DVL2: variants seen among roughly 807,000 people sequenced by gnomAD.
DVL2 encodes dishevelled segment polarity protein 2.
DVL2 carries 38 observed loss-of-function variants against 69.8 expected under a neutral mutation model. The observed-to-expected ratio is 0.54, with a 90% confidence interval of 0.42 to 0.71. The LOEUF (loss-of-function observed/expected upper bound fraction) is 0.71, where lower values mean the gene tolerates loss of function less well. Ranked by LOEUF, DVL2 falls within the 30% of genes least tolerant of loss-of-function variation. DVL2 has a pLI of 0.00. For missense variants in DVL2, 931 were observed against 1,008.1 expected, an observed-to-expected ratio of 0.92 and a Z score of 1.04; for synonymous variants, 428 against 392.4, an observed-to-expected ratio of 1.09 and a Z score of -1.07.
chr17:7,233,294 T>C (rs1597554530), intron 1 of DVL2, among the ~76,000 whole-genome samples: 1 of 151,878 alleles, frequency 6.6e-6, no homozygotes, highest in Non-Finnish European at 1.5e-5. Context: ...CCAGTCTAGA[T>C]TGGAACATCC....
rs141128284 is a variant in DVL2, at chr17:7,226,178, C to T, written c.1898G>A (p.Arg633Gln). Residue 633 changes from arginine (R) to glutamine (Q), a missense_variant, in exon 15 of 15, where the codon CGG (arginine) becomes CAG (glutamine). By Grantham distance (43) the Arg-to-Gln change is conservative (BLOSUM62 1). Coordinates refer to ENST00000005340, the MANE Select transcript of DVL2 (RefSeq NM_004422.3). ...EPSSRGGSLR[R>Q]GGEASGTSDG... ...GCTAGTCCCACTTGCTTCCCCACCC[C>T]GCCGAAGGCTGCCCCCTCGGCTGGA... is the stretch of plus-strand genomic sequence containing the variant. The T allele has an allele frequency of 5.3e-5, 85 of 1,611,870 alleles. No homozygotes were observed. In the African/African-American group the frequency reaches 8.3e-4, roughly 16 times the overall value.
chr17:7,230,886 T>C (rs2071533165), intron 1 of DVL2, 89 bp from the exon 2 acceptor site: 1 of 1,004,738 alleles, frequency 1.0e-6, no homozygotes, highest in South Asian at 1.5e-5. Context: ...TTCACCTGGC[T>C]CCAGGATGTT....
At chr17:7,226,817 G>A in intron 13 of DVL2, 178 bp from the exon 14 acceptor site, 1 of 644,882 alleles carries the variant, frequency 1.6e-6, no homozygotes. Flanking sequence ...TGAGGGCAGG[G>A]GCACAGCCAC....
Position 7,230,059 on chromosome 17 carries a change from G to A in DVL2, c.507C>T (p.Ser169=). The A allele has an allele frequency of 6.2e-7, 1 of 1,613,970 alleles. No individual in the cohort carries two copies. The highest frequency in any genetic ancestry group is 8.5e-7 in the Non-Finnish European group (1 of 1,180,020). Residue 169 remains serine (S), a synonymous_variant, in exon 4 of 15, where the codon AGC becomes AGT. Coordinates refer to ENST00000005340, the MANE Select transcript of DVL2 (RefSeq NM_004422.3). ...CCTGCCCCTCACCGCCATGCTCACTGCTGTCTCTCCTGCGAGGCCGCTCCC... is the reference window on the plus strand; with the variant it reads ...CCTGCCCCTCACCGCCATGCTCACTACTGTCTCTCCTGCGAGGCCGCTCCC... ...LRRERPRRRD[S]SEHGAGGHRT... is the part of the protein sequence containing the mutation.
At position 7,226,202 on chromosome 17, in the gene DVL2, GA is replaced by G; in HGVS notation, c.1873del (p.Ser625ProfsTer56). 6.2e-7 allele frequency: 1 copy of G among 1,612,420 alleles called. No individual in the cohort carries two copies. Among genetic ancestry groups the G allele is most frequent in the South Asian group, 1.1e-5 (1 of 91,080 alleles). ...KSGSGSESEP[S>X]SRGGSLRRGG... ...CCGCCGAAGGCTGCCCCCTCGGCTG[GA>G]GGGCTCAGACTCACTGCCACTGCCG... On this transcript the variant is annotated frameshift_variant, in exon 15 of 15. Coordinates refer to ENST00000005340, the MANE Select transcript of DVL2 (RefSeq NM_004422.3). LOFTEE classifies it high-confidence loss of function.
chr17:7,227,559 C>A (rs749320786), intron 11 of DVL2, 24 bp from the exon 12 acceptor site: 2 of 1,613,048 alleles, frequency 1.2e-6, no homozygotes, highest in African/African-American at 1.3e-5. Flanking sequence ...CAACGGGTAA[C>A]CAGAGTCAGG....
At chr17:7,230,204 C>A (rs201754079) in intron 3 of DVL2, 49 bp from the exon 4 acceptor site, 1 of 1,610,542 alleles carries the variant, frequency 6.2e-7, no homozygotes, top group South Asian at 1.1e-5. Context: ...AACAGGGCTC[C>A]GGATCCTAGG....
Position 7,226,003 on chromosome 17 carries a change from T to A in DVL2, c.2073A>T (p.Pro691=), listed in dbSNP as rs751934976. The A allele has an allele frequency of 1.9e-6, 3 of 1,613,146 alleles. No individual in the cohort carries two copies. The highest frequency in any genetic ancestry group is 2.5e-6 in the Non-Finnish European group (3 of 1,179,696). ...CCGGAGGCTGCACTGCTGGAGGGAC[T>A]GGAGGTGGAGGTGGGGGCATCATGA... ...MVVMMPPPPP[P]VPPAVQPPGA... The change falls in exon 15 of 15, where the codon CCA becomes CCT. Residue 691 remains proline (P), a synonymous_variant. Transcript: ENST00000005340.
chr17:7,226,920 TG>T, intron 13 of DVL2, 169 bp downstream of exon 13: 2 of 701,910 alleles, frequency 2.8e-6, no homozygotes, highest in African/African-American at 1.8e-5. Context: ...CAGCAGCACA[TG>T]GGTGGACGTC....
chr17:7,234,477 G>GCGCCAC lies in DVL2; in HGVS notation c.-221_-216dup, dbSNP rs1326541684. The GCGCCAC allele has an allele frequency of 8.9e-6, 5 of 560,362 alleles. No homozygotes were observed. Among genetic ancestry groups the GCGCCAC allele is most frequent in the Admixed American group, 3.8e-5 (1 of 26,078 alleles). The allele number at this position is 560,362 out of a possible 1,614,324, so 34.7% of individuals were successfully genotyped here. On this transcript the variant is annotated 5_prime_UTR_variant, in exon 1 of 15. Coordinates refer to ENST00000005340, the MANE Select transcript of DVL2 (RefSeq NM_004422.3). ...AAGCCCCGGTCTCAGCGGCCGCCGCGCGCCACCGCCACCGACGCCGCGAGC... is the reference window on the plus strand; with the variant it reads ...AAGCCCCGGTCTCAGCGGCCGCCGCGCGCCACCGCCACCGCCACCGACGCCGCGAGC...
chr17:7,233,632 T>C (rs959699073), intron 1 of DVL2, among the ~76,000 whole-genome samples: 4 of 152,018 alleles, frequency 2.6e-5, no homozygotes, highest in Non-Finnish European at 4.4e-5. Context: ...TTTTAGTTAG[T>C]AGAGATGGGG....
Position 7,225,527 on chromosome 17 carries a change from AG to A in DVL2, c.*337del, listed in dbSNP as rs2071428919. Reference sequence around the variant, plus strand: ...CAGGGCTGTGGGTAACTGGAGGAGGAGGTCACATTCTGGGGTTAGAAGGGGC... The same window carrying A: ...CAGGGCTGTGGGTAACTGGAGGAGGAGTCACATTCTGGGGTTAGAAGGGGC... On this transcript the variant is annotated 3_prime_UTR_variant, in exon 15 of 15. Coordinates refer to ENST00000005340, the MANE Select transcript of DVL2 (RefSeq NM_004422.3). 4.8e-5 allele frequency: 20 copies of A among 417,832 alleles called. No homozygotes were observed. In the South Asian group the frequency reaches 4.9e-4, roughly 10 times the overall value. 25.9% of individuals were successfully genotyped at this position (417,832 alleles called of 1,614,324 possible).
chr17:7,225,615 T>G lies in DVL2; in HGVS notation c.*250A>C, dbSNP rs186964634. 393 of 538,310 alleles carry G rather than the reference T, an allele frequency of 7.3e-4. 1 individual carries two copies. The highest frequency in any genetic ancestry group is 1.1e-3 in the Non-Finnish European group (346 of 305,462). 33.3% of individuals were successfully genotyped at this position (538,310 alleles called of 1,614,324 possible). A position where few individuals can be genotyped will look rare whatever the true frequency, so the allele number is the denominator to read the frequency against. On this transcript the variant is annotated 3_prime_UTR_variant, in exon 15 of 15. Coordinates refer to ENST00000005340, the MANE Select transcript of DVL2 (RefSeq NM_004422.3). Reference sequence around the variant, plus strand: ...GCCTATTAAAAAAGTCCCAAAAATGTAAGAAACTCTATTTTAACCCCCAAA... The same window carrying G: ...GCCTATTAAAAAAGTCCCAAAAATGGAAGAAACTCTATTTTAACCCCCAAA...
intron 1 of DVL2, among the ~76,000 whole-genome samples, chr17:7,231,836 C>G (rs1861098465): frequency 1.4e-5 from 2 of 147,980 alleles, no homozygotes; most frequent in Non-Finnish European, 3.0e-5. Flanking sequence ...GCACTCCAGC[C>G]TGGGCAGAGT....
intron 12 of DVL2, 51 bp from the exon 13 acceptor site, chr17:7,227,320 G>A: frequency 1.9e-6 from 3 of 1,601,816 alleles, no homozygotes; most frequent in Non-Finnish European, 2.6e-6. Context: ...TCCAACTCCT[G>A]CTCTCGCCTC....
In DVL2 at chr17:7,230,307, C is replaced by T. The variant is rs1376778076; in HGVS notation, c.388G>A (p.Asp130Asn). The T allele has an allele frequency of 2.5e-6, 4 of 1,613,986 alleles. No individual in the cohort carries two copies. The highest frequency in any genetic ancestry group is 3.4e-6 in the Non-Finnish European group (4 of 1,180,004). Residue 130 changes from aspartate to asparagine, a missense_variant, in exon 3 of 15, where the codon GAC (aspartate) becomes AAC (asparagine). Physicochemically the swap from Asp to Asn is conservative, Grantham distance 23 (BLOSUM62 1). This residue lies in a region of DVL2 where 555 missense variants were observed against 588.8 expected (regional missense o/e 0.94). Transcript: ENST00000005340. Reference sequence around the variant, plus strand: ...CACTGGAAGGATGGAGGCCTTGAGTCCCCAATGCCGCTGGTCCTCTCGGGT... The same window carrying T: ...CACTGGAAGGATGGAGGCCTTGAGTTCCCAATGCCGCTGGTCCTCTCGGGT... The part of the protein sequence containing the change: ...LPPERTSGIG[D>N]SRPPSFHPNV...
chr17:7,233,097 A>AAAAAAAAAAAAAAAAAAAAAAAAAAAAC, intron 1 of DVL2, among the ~76,000 whole-genome samples: 1 of 149,674 alleles, frequency 6.7e-6, no homozygotes, highest in Non-Finnish European at 1.5e-5. Flanking sequence ...CAAAAAAAAA[A>AAAAAAAAAAAAAAAAAAAAAAAAAAAAC]AAAAAAAAAA....
chr17:7,230,762 C>T lies in DVL2; in HGVS notation c.230G>A (p.Arg77His), dbSNP rs143043931. The T allele has an allele frequency of 2.6e-4, 421 of 1,613,356 alleles. 3 individuals are homozygous for T. The African/African-American group carries it at 5.0e-3, about 19-fold the overall frequency. Residue 77 changes from arginine to histidine, a missense_variant, in exon 2 of 15, where the codon CGC (arginine) becomes CAC (histidine). Arg to His is a conservative substitution (Grantham distance 29). This residue lies in a region of DVL2 where 555 missense variants were observed against 588.8 expected (regional missense o/e 0.94). Coordinates refer to ENST00000005340, the MANE Select transcript of DVL2 (RefSeq NM_004422.3). The stretch of plus-strand genomic sequence containing the variant: ...CACCCTTCCGTTGAAGCAGGGGAGG[C>T]GGGCGTTGTCATCTGAAATTTCTTC... ...VKEEISDDNA[R>H]LPCFNGRVVS...
chr17:7,227,960 C>A lies in DVL2; in HGVS notation c.1102+17G>T, dbSNP rs757244896. ...CCCCCACCCCCAACTTCAGGCCCCT[C>A]CCTGAGTGTCACTCACTTCGGGGGA... On this transcript the variant is annotated intron_variant, in intron 10 of 14. Transcript: ENST00000005340. The A allele has an allele frequency of 6.3e-7, 1 of 1,575,554 alleles. No homozygotes were observed. The highest frequency in any genetic ancestry group is 8.6e-7 in the Non-Finnish European group (1 of 1,160,330).
Sources: gnomAD v4.1 joint callset for allele counts (sites outside exome capture counted in the v4.1 genomes callset) on GRCh38, gnomAD v4.1.1 for gene constraint, gnomAD v4.1.1 regional missense constraint, MANE v1.5 for transcripts, NCBI Gene and HGNC (gene_info 2026-07-23, HGNC 2026-07-21) for gene names.